CSMD3: variants seen among roughly 807,000 people sequenced by gnomAD.
CSMD3 encodes CUB and Sushi multiple domains 3.
CSMD3 carries 177 observed loss-of-function variants against 435.2 expected under a neutral mutation model. That is an observed-to-expected ratio of 0.41 (90% CI 0.36 to 0.46). The LOEUF (loss-of-function observed/expected upper bound fraction) is 0.46. CSMD3 is among the 20% of genes least tolerant of loss of function. CSMD3 has a pLI of 0.34. For missense variants in CSMD3, 4,265 were observed against 4,504.6 expected, an observed-to-expected ratio of 0.95 and a Z score of 1.52; for synonymous variants, 1,656 against 1,520.5, an observed-to-expected ratio of 1.09 and a Z score of -2.07.
chr8:112,607,284 T>A (rs2131447720), intron 22 of CSMD3, among the ~76,000 whole-genome samples: 1 of 151,934 alleles, frequency 6.6e-6, no homozygotes, highest in Non-Finnish European at 1.5e-5. Context: ...CAAAGACTTA[T>A]AAAGAAATAT....
intron 10 of CSMD3, among the ~76,000 whole-genome samples, chr8:112,893,788 T>C (rs2081870350): frequency 6.6e-6 from 1 of 151,504 alleles, no homozygotes; most frequent in South Asian, 2.1e-4. Flanking sequence ...AAGAACCTGA[T>C]GGTAATTATT....
chr8:112,679,046 G>C (rs2075827428), intron 16 of CSMD3, among the ~76,000 whole-genome samples: 1 of 149,866 alleles, frequency 6.7e-6, no homozygotes, highest in South Asian at 2.1e-4. Context: ...AAGTGGGAGT[G>C]GCTCTGGAAG....
At chr8:113,051,308 T>G (rs2088080277) in intron 5 of CSMD3, among the ~76,000 whole-genome samples, 1 of 152,072 alleles carries the variant, frequency 6.6e-6, no homozygotes, top group Non-Finnish European at 1.5e-5. Context: ...CCATTATAAT[T>G]GCCAAATGAG....
rs543757070 is a variant in CSMD3, at chr8:112,954,807, T to C, written c.1343-46A>G. On this transcript the variant is annotated intron_variant, in intron 7 of 70. Transcript: ENST00000297405. ...AAACATGTATCAGGAAATACAATTT[T>C]AAAATGAAATTCAAGTTAACAAATT... is the stretch of plus-strand genomic sequence containing the variant. 21 of 1,145,426 alleles carry C rather than the reference T, an allele frequency of 1.8e-5. No individual in the cohort carries two copies. The East Asian group carries it at 5.0e-4, about 27-fold the overall frequency. 71.0% of individuals were successfully genotyped at this position (1,145,426 alleles called of 1,614,324 possible). A position where few individuals can be genotyped will look rare whatever the true frequency, so the allele number is the denominator to read the frequency against.
At chr8:112,964,460 T>C (rs1183792550) in intron 7 of CSMD3, among the ~76,000 whole-genome samples, 3 of 151,956 alleles carry the variant, frequency 2.0e-5, no homozygotes, top group Non-Finnish European at 4.4e-5. Context: ...AACTATCTGA[T>C]GATAGTGCCA....
At chr8:112,442,065 A>C (rs1265918485) in intron 32 of CSMD3, among the ~76,000 whole-genome samples, 2 of 152,236 alleles carry the variant, frequency 1.3e-5, no homozygotes, top group East Asian at 3.9e-4. Flanking sequence ...TGTAGGTTAG[A>C]ACTTCAGGAA....
At chr8:112,748,816 T>C (rs78761112) in intron 13 of CSMD3, among the ~76,000 whole-genome samples, 3,869 of 152,298 alleles carry the variant, frequency 0.025, 79 homozygotes, top group East Asian at 0.073. Context: ...TCCATGTGTA[T>C]TTATATTAGA....
chr8:112,821,940 GT>G (rs1563994697), intron 12 of CSMD3, among the ~76,000 whole-genome samples: 1 of 152,154 alleles, frequency 6.6e-6, no homozygotes, highest in Admixed American at 6.5e-5. Context: ...TGTTAGGTTT[GT>G]TGAAGATCAG....
intron 38 of CSMD3, among the ~76,000 whole-genome samples, chr8:112,355,018 G>T (rs72674733): frequency 0.2 from 31,143 of 152,152 alleles, 3,746 homozygotes; most frequent in East Asian, 0.4. Flanking sequence ...ACGATGGATG[G>T]AGTGGAATAG....
intron 23 of CSMD3, among the ~76,000 whole-genome samples, chr8:112,576,612 C>T (rs1419980582): frequency 1.3e-5 from 2 of 151,796 alleles, no homozygotes; most frequent in Non-Finnish European, 2.9e-5. Flanking sequence ...TCACTGCAGC[C>T]TCAACATCCC....
intron 12 of CSMD3, among the ~76,000 whole-genome samples, chr8:112,817,619 T>A (rs560563926): frequency 6.6e-6 from 1 of 151,806 alleles, no homozygotes; most frequent in East Asian, 1.9e-4. Context: ...GGAAAAAACA[T>A]CCTCCAAGTA....
At chr8:113,156,076 G>A (rs899990387) in intron 4 of CSMD3, among the ~76,000 whole-genome samples, 15 of 151,864 alleles carry the variant, frequency 9.9e-5, no homozygotes, top group South Asian at 6.2e-4. Context: ...TTACAGCTGG[G>A]AGCAAGACAA....
intron 60 of CSMD3, among the ~76,000 whole-genome samples, chr8:112,264,925 A>C (rs575282995): frequency 6.6e-6 from 1 of 152,206 alleles, no homozygotes; most frequent in East Asian, 1.9e-4. Flanking sequence ...ATTGACTAAC[A>C]GGTTAATTCT....
intron 24 of CSMD3, among the ~76,000 whole-genome samples, chr8:112,563,984 G>A (rs2131262295): frequency 6.6e-6 from 1 of 152,074 alleles, no homozygotes; most frequent in East Asian, 1.9e-4. Context: ...AATTGAGGAA[G>A]GCACAGCTCA....
At chr8:112,936,282 T>A (rs777074527) in intron 9 of CSMD3, among the ~76,000 whole-genome samples, 4 of 152,038 alleles carry the variant, frequency 2.6e-5, no homozygotes, top group Non-Finnish European at 5.9e-5. Context: ...CTAATTTCCT[T>A]CTCTTATTCC....
chr8:112,542,062 C>T (rs1826714150), intron 27 of CSMD3, among the ~76,000 whole-genome samples: 1 of 151,520 alleles, frequency 6.6e-6, no homozygotes, highest in African/African-American at 2.4e-5. Flanking sequence ...ATGATAATTT[C>T]AGTAGATGCA....
At chr8:113,217,006 G>T (rs1363944148) in intron 3 of CSMD3, among the ~76,000 whole-genome samples, 1 of 151,782 alleles carries the variant, frequency 6.6e-6, no homozygotes, top group Non-Finnish European at 1.5e-5. Flanking sequence ...CAGAGACCAT[G>T]CAATTGTTGG....
intron 12 of CSMD3, among the ~76,000 whole-genome samples, chr8:112,822,600 A>G (rs2079557919): frequency 6.6e-6 from 1 of 152,072 alleles, no homozygotes; most frequent in South Asian, 2.1e-4. Flanking sequence ...ATCTGCAGAG[A>G]CAATTTGACT....
intron 58 of CSMD3, 131 bp from the exon 59 acceptor site, chr8:112,281,481 GTATC>G (rs1299747525): frequency 8.6e-6 from 6 of 693,992 alleles, no homozygotes; most frequent in Admixed American, 2.5e-5. Context: ...AAGTAGTAAA[GTATC>G]TAGGTAGTTG....
Sources: gnomAD v4.1 joint callset for allele counts (sites outside exome capture counted in the v4.1 genomes callset) on GRCh38, gnomAD v4.1.1 for gene constraint, MANE v1.5 for transcripts, NCBI Gene and HGNC (gene_info 2026-07-23, HGNC 2026-07-21) for gene names.